Variants in TWF1 observed in about 807,000 individuals in gnomAD.
The protein encoded by TWF1 is twinfilin-1.
A neutral mutation model predicts 47.9 loss-of-function variants in TWF1; 14 were observed. The ratio of observed to expected loss-of-function variants is 0.29; its 90% CI spans 0.19 to 0.46. The LOEUF (loss-of-function observed/expected upper bound fraction) is 0.46. Ranked by LOEUF, TWF1 falls within the 20% of genes least tolerant of loss-of-function variation. The pLI is 1.00. For synonymous variants in TWF1, 96 were observed against 139.2 expected, an observed-to-expected ratio of 0.69 and a Z score of 2.18; for missense variants, 281 against 409.3, an observed-to-expected ratio of 0.69 and a Z score of 2.70.
chr12:43,800,690 G>A lies in TWF1; in HGVS notation c.283-160C>T, dbSNP rs79934822. Among the ~76,000 whole-genome samples, 1,162 of 152,202 alleles carry A rather than the reference G, an allele frequency of 7.6e-3. 12 individuals are homozygous for A. The highest frequency in any genetic ancestry group is 0.025 in the African/African-American group (1,032 of 41,498). ...CTAAAATACGTGTGTACAAATAACC[G>A]TCATTAACATGGGCATCTAAACTAT... On this transcript the variant is annotated intron_variant, in intron 3 of 8. Transcript: ENST00000395510.
Position 43,797,821 on chromosome 12 carries a change from C to G in TWF1, c.496G>C (p.Val166Leu), listed in dbSNP as rs777961269. The change falls in exon 6 of 9, where the codon GTG becomes CTG. Residue 166 changes from valine to leucine, a missense_variant. Physicochemically the swap from Val to Leu is conservative, Grantham distance 32. Coordinates refer to ENST00000395510, the MANE Select transcript of TWF1 (RefSeq NM_002822.5). Reference protein sequence around the residue: ...QIKINEVQTDVGVDTKHQTLQ... With the variant: ...QIKINEVQTDLGVDTKHQTLQ... ...GTTTGATGCTTAGTGTCCACACCCA[C>G]GTCAGTCTGTACCTAAGTATGACAG... The G allele has an allele frequency of 6.2e-7, 1 of 1,613,004 alleles. No homozygotes were observed. The highest frequency in any genetic ancestry group is 1.1e-5 in the South Asian group (1 of 90,982).
chr12:43,806,297 G>C lies in TWF1; in HGVS notation c.-52C>G, dbSNP rs756309908. The C allele has an allele frequency of 5.6e-6, 8 of 1,437,780 alleles. No homozygotes were observed. The highest frequency in any genetic ancestry group is 1.5e-5 in the African/African-American group (1 of 67,678). The allele number at this position is 1,437,780 out of a possible 1,614,324, so 89.1% of individuals were successfully genotyped here. ...GGCGCTGAGTGCAGCCAGCGGCCCC[G>C]GCCGGCGGCCCCAGGAAGTGGCTGC... On this transcript the variant is annotated 5_prime_UTR_variant, in exon 1 of 9. Transcript: ENST00000395510.
In TWF1 at chr12:43,794,676, G is replaced by C. The variant is rs1942518428; in HGVS notation, c.*909C>G. On this transcript the variant is annotated 3_prime_UTR_variant, in exon 9 of 9. Coordinates refer to ENST00000395510, the MANE Select transcript of TWF1 (RefSeq NM_002822.5). The stretch of plus-strand genomic sequence containing the variant: ...TGTTTTGAAATACAGTATTAACTGA[G>C]ATTATTAAGGTGTTTATCTACGTTA... 2 of 151,476 alleles carry C rather than the reference G, an allele frequency of 1.3e-5. No homozygotes were observed. The highest frequency in any genetic ancestry group is 6.6e-5 in the Admixed American group (1 of 15,192). The allele number at this position is 151,476 out of a possible 1,614,324, so 9.4% of individuals were successfully genotyped here.
intron 5 of TWF1, among the ~76,000 whole-genome samples, chr12:43,798,830 G>C (rs1361120131): frequency 6.6e-6 from 1 of 151,994 alleles, no homozygotes; most frequent in African/African-American, 2.4e-5. Context: ...AGTCCCAGTA[G>C]AAATACAGTA....
intron 2 of TWF1, among the ~76,000 whole-genome samples, chr12:43,803,636 A>G (rs982057751): frequency 6.6e-6 from 1 of 152,100 alleles, no homozygotes; most frequent in East Asian, 1.9e-4. Context: ...GTCACTTAGG[A>G]AGTGATGGCA....
intron 5 of TWF1, 57 bp downstream of exon 5, chr12:43,799,341 A>T: frequency 1.7e-6 from 2 of 1,153,500 alleles, no homozygotes; most frequent in Non-Finnish European, 2.5e-6. Flanking sequence ...TATTAATTAA[A>T]AATACAGTAT....
intron 1 of TWF1, chr12:43,805,934 A>T (rs769743251): frequency 1.6e-5 from 25 of 1,524,818 alleles, no homozygotes; most frequent in East Asian, 2.6e-5. Context: ...GGACGGTGGA[A>T]GGCACGCCCC....
rs182992827 is a variant in TWF1, at chr12:43,800,356, T to C, written c.378+79A>G. The C allele has an allele frequency of 3.1e-3, 2,940 of 954,856 alleles. 6 individuals carry two copies. The highest frequency in any genetic ancestry group is 4.3e-3 in the Non-Finnish European group (2,701 of 627,056). The allele number at this position is 954,856 out of a possible 1,614,324, so 59.1% of individuals were successfully genotyped here. A position where few individuals can be genotyped will look rare whatever the true frequency, so the allele number is the denominator to read the frequency against. The stretch of plus-strand genomic sequence containing the variant: ...TTTTCAGATTATCCATCTGAATTCG[T>C]ATCAATTACCCATTACCTAGGAGTT... On this transcript the variant is annotated intron_variant, in intron 4 of 8. Coordinates refer to ENST00000395510, the MANE Select transcript of TWF1 (RefSeq NM_002822.5).
intron 1 of TWF1, among the ~76,000 whole-genome samples, chr12:43,804,848 C>A (rs1347617085): frequency 6.6e-6 from 1 of 152,188 alleles, no homozygotes; most frequent in Non-Finnish European, 1.5e-5. Flanking sequence ...ACTGAAGTTA[C>A]TCAAACCCAA....
intron 4 of TWF1, 113 bp downstream of exon 4, chr12:43,800,322 A>G: frequency 1.4e-6 from 1 of 714,402 alleles, no homozygotes; most frequent in East Asian, 2.6e-5. Flanking sequence ...TATTTCTCTT[A>G]TTCTCATGTT....
Position 43,806,302 on chromosome 12 carries a change from G to A in TWF1, c.-57C>T, listed in dbSNP as rs889204458. The A allele has an allele frequency of 2.1e-6, 3 of 1,450,500 alleles. No homozygotes were observed. The highest frequency in any genetic ancestry group is 2.4e-4 in the Middle Eastern group (1 of 4,182). The allele number at this position is 1,450,500 out of a possible 1,614,324, so 89.9% of individuals were successfully genotyped here. A position where few individuals can be genotyped will look rare whatever the true frequency, so the allele number is the denominator to read the frequency against. ...TGAGTGCAGCCAGCGGCCCCGGCCGGCGGCCCCAGGAAGTGGCTGCTCCTC... is the reference window on the plus strand; with the variant it reads ...TGAGTGCAGCCAGCGGCCCCGGCCGACGGCCCCAGGAAGTGGCTGCTCCTC... On this transcript the variant is annotated 5_prime_UTR_variant, in exon 1 of 9. Coordinates refer to ENST00000395510, the MANE Select transcript of TWF1 (RefSeq NM_002822.5).
intron 6 of TWF1, 35 bp downstream of exon 6, chr12:43,797,673 G>C: frequency 6.2e-7 from 1 of 1,601,034 alleles, no homozygotes; most frequent in Non-Finnish European, 8.5e-7. Flanking sequence ...CTACCAAAAA[G>C]AGCAGCCACT....
At position 43,799,318 on chromosome 12, in the gene TWF1, A is replaced by T. The variant is rs1362159447; in HGVS notation, c.483+80T>A. The T allele has an allele frequency of 5.6e-6, 5 of 895,508 alleles. No individual in the cohort carries two copies. The South Asian group carries it at 9.8e-5, about 18-fold the overall frequency. The allele number at this position is 895,508 out of a possible 1,614,324, so 55.5% of individuals were successfully genotyped here. On this transcript the variant is annotated intron_variant, in intron 5 of 8. Transcript: ENST00000395510. ...TACCTAACTTCTTTAATCTCTAGTT[A>T]TCCTCCCACATCTATTAATTAAAAA...
intron 6 of TWF1, 35 bp downstream of exon 6, chr12:43,797,673 G>A: frequency 6.2e-7 from 1 of 1,601,034 alleles, no homozygotes. Flanking sequence ...CTACCAAAAA[G>A]AGCAGCCACT....
chr12:43,797,577 T>C, intron 6 of TWF1, 125 bp from the exon 7 acceptor site: 2 of 1,414,318 alleles, frequency 1.4e-6, no homozygotes, highest in South Asian at 1.5e-5. Flanking sequence ...TTTTTCACAA[T>C]GAACATTTAC....
intron 5 of TWF1, chr12:43,798,457 C>T: frequency 9.1e-7 from 1 of 1,097,730 alleles, no homozygotes; most frequent in Non-Finnish European, 1.3e-6. Flanking sequence ...CGCAGTGTTG[C>T]AACAGAAAGT....
In TWF1 at chr12:43,793,922, G is replaced by C. The variant is rs534962974; in HGVS notation, c.*1663C>G. ...CATCACTGATTTTCAGCAATCATTGGTTTAATAATAATTAGTTTAAGACTA... is the reference window on the plus strand; with the variant it reads ...CATCACTGATTTTCAGCAATCATTGCTTTAATAATAATTAGTTTAAGACTA... On this transcript the variant is annotated 3_prime_UTR_variant, in exon 9 of 9. Coordinates refer to ENST00000395510, the MANE Select transcript of TWF1 (RefSeq NM_002822.5). 1 of 152,714 alleles carries C rather than the reference G, an allele frequency of 6.5e-6. No individual in the cohort carries two copies. The highest frequency in any genetic ancestry group is 1.5e-5 in the Non-Finnish European group (1 of 68,020). 9.5% of individuals were successfully genotyped at this position (152,714 alleles called of 1,614,324 possible).
rs78404975 is a variant in TWF1 at position 43,799,770 on chromosome 12, A to T, written c.379-268T>A. Among the ~76,000 whole-genome samples, 822 of 152,228 alleles carry T rather than the reference A, an allele frequency of 5.4e-3. 9 individuals are homozygous for T. The highest frequency in any genetic ancestry group is 0.018 in the African/African-American group (733 of 41,562). Reference sequence around the variant, plus strand: ...TCATACTGGCAAAGTGAAATACTGAACCTGGTCATCCTGTAAGTCTATAGG... The same window carrying T: ...TCATACTGGCAAAGTGAAATACTGATCCTGGTCATCCTGTAAGTCTATAGG... On this transcript the variant is annotated intron_variant, in intron 4 of 8. Transcript: ENST00000395510.
rs1299652943 is a variant in TWF1 at position 43,799,360 on chromosome 12, A to G, written c.483+38T>C. On this transcript the variant is annotated intron_variant, in intron 5 of 8. Transcript: ENST00000395510. ...AATTAAAAATACAGTATTTTCAAAC[A>G]CTTAAAATCTTGCAAAGACTTTGTA... 2.2e-6 allele frequency: 3 copies of G among 1,338,870 alleles called. No homozygotes were observed. In the Admixed American group the frequency reaches 5.8e-5, roughly 26 times the overall value. 82.9% of individuals were successfully genotyped at this position (1,338,870 alleles called of 1,614,324 possible).
Sources: gnomAD v4.1 joint callset for allele counts (sites outside exome capture counted in the v4.1 genomes callset) on GRCh38, gnomAD v4.1.1 for gene constraint, MANE v1.5 for transcripts, NCBI Gene and HGNC (gene_info 2026-07-23, HGNC 2026-07-21) for gene names.